PLXNA2: variants seen among roughly 807,000 people sequenced by gnomAD.
The protein encoded by PLXNA2 is plexin-A2.
PLXNA2 carries 91 observed loss-of-function variants against 193.5 expected under a neutral mutation model. The observed-to-expected ratio is 0.47, with a 90% confidence interval of 0.40 to 0.56. The LOEUF (loss-of-function observed/expected upper bound fraction) is 0.56. PLXNA2 is among the 20% of genes least tolerant of loss of function. The pLI, the probability that PLXNA2 is intolerant of heterozygous loss-of-function variation, is 0.00. For synonymous variants in PLXNA2, 997 were observed against 1,027.3 expected (o/e 0.97, Z 0.56); for missense variants, 1,995 against 2,503.2 (o/e 0.80, Z 4.33).
intron 4 of PLXNA2, among the ~76,000 whole-genome samples, chr1:208,104,057 A>T (rs1241798894): frequency 6.6e-6 from 1 of 152,176 alleles, no homozygotes; most frequent in Non-Finnish European, 1.5e-5. Context: ...GAAGTGTTCC[A>T]GTTGATATGT....
chr1:208,133,089 AGGG>A (rs1445955514), intron 4 of PLXNA2, among the ~76,000 whole-genome samples: 2 of 152,200 alleles, frequency 1.3e-5, no homozygotes, highest in Non-Finnish European at 2.9e-5. Flanking sequence ...TGTAAAATAA[AGGG>A]CTGCTCTTCA....
At chr1:208,237,031 GA>G (rs1340412038) in intron 1 of PLXNA2, among the ~76,000 whole-genome samples, 1 of 152,186 alleles carries the variant, frequency 6.6e-6, no homozygotes, top group Non-Finnish European at 1.5e-5. Context: ...CCTTTGAGTT[GA>G]AATCTTCGTC....
intron 29 of PLXNA2, chr1:208,029,305 T>G: frequency 7.8e-7 from 1 of 1,279,154 alleles, no homozygotes; most frequent in Non-Finnish European, 1.0e-6. Flanking sequence ...GTGTGTTCTG[T>G]TCCCTTCTGG....
chr1:208,175,095 C>T (rs1669621009), intron 3 of PLXNA2, among the ~76,000 whole-genome samples: 1 of 152,162 alleles, frequency 6.6e-6, no homozygotes, highest in Non-Finnish European at 1.5e-5. Context: ...CAGAACTCAA[C>T]AGCAGTGAGC....
At chr1:208,101,677 A>G (rs539201428) in intron 5 of PLXNA2, among the ~76,000 whole-genome samples, 19 of 152,304 alleles carry the variant, frequency 1.2e-4, no homozygotes, top group African/African-American at 4.3e-4. Flanking sequence ...CACTTGTTCA[A>G]GATGGGGAAA....
chr1:208,031,011 C>G, intron 29 of PLXNA2: 1 of 987,920 alleles, frequency 1.0e-6, no homozygotes, highest in Non-Finnish European at 1.2e-6. Flanking sequence ...TTCCTGAAAG[C>G]TATGGCGCCA....
chr1:208,024,794 G>A lies in PLXNA2; in HGVS notation c.*2449C>T, dbSNP rs1314826534. On this transcript the variant is annotated 3_prime_UTR_variant, in exon 32 of 32. Transcript: ENST00000367033. ...TAACTTCTTGGTGGAGCAAAGCCTGGATGCCAGTCTGAGCAGCCATGCGGC... is the reference window on the plus strand; with the variant it reads ...TAACTTCTTGGTGGAGCAAAGCCTGAATGCCAGTCTGAGCAGCCATGCGGC... The A allele has an allele frequency of 6.6e-6, 1 of 152,192 alleles. No individual in the cohort carries two copies. Among genetic ancestry groups the A allele is most frequent in the African/African-American group, 2.4e-5 (1 of 41,442 alleles). 9.4% of individuals were successfully genotyped at this position (152,192 alleles called of 1,614,324 possible). A position where few individuals can be genotyped will look rare whatever the true frequency, so the allele number is the denominator to read the frequency against.
chr1:208,227,669 G>T (rs1381875888), intron 1 of PLXNA2, among the ~76,000 whole-genome samples: 2 of 152,188 alleles, frequency 1.3e-5, no homozygotes, highest in Non-Finnish European at 2.9e-5. Context: ...GCACACAGGA[G>T]TCCTGGTTAT....
chr1:208,191,897 A>T (rs971605558), intron 3 of PLXNA2, among the ~76,000 whole-genome samples: 1 of 152,120 alleles, frequency 6.6e-6, no homozygotes, highest in African/African-American at 2.4e-5. Flanking sequence ...AGAACACTGC[A>T]CACAAAGCCC....
intron 4 of PLXNA2, among the ~76,000 whole-genome samples, chr1:208,109,900 C>A (rs1043853314): frequency 3.3e-5 from 5 of 152,216 alleles, no homozygotes; most frequent in Admixed American, 6.5e-5. Context: ...TCCTAGTACC[C>A]AGTAGCTGTT....
chr1:208,091,868 C>A (rs376556130), intron 9 of PLXNA2, among the ~76,000 whole-genome samples: 189 of 130,858 alleles, frequency 1.4e-3, no homozygotes, highest in East Asian at 1.5e-3. Flanking sequence ...GACTTCATAT[C>A]AAAAAAAAAA....
chr1:208,030,026 C>G (rs530066431), intron 29 of PLXNA2: 67 of 985,322 alleles, frequency 6.8e-5, no homozygotes, highest in Non-Finnish European at 7.8e-5. Context: ...TCTCATGGGC[C>G]CCAAACTTTC....
intron 31 of PLXNA2, 21 bp from the exon 32 acceptor site, chr1:208,027,359 C>G: frequency 6.2e-7 from 1 of 1,603,988 alleles, no homozygotes; most frequent in Non-Finnish European, 8.5e-7. Context: ...AAAACAAAGG[C>G]AGGAAGACTT....
At chr1:208,149,065 AAG>A (rs1668678654) in intron 3 of PLXNA2, among the ~76,000 whole-genome samples, 1 of 152,202 alleles carries the variant, frequency 6.6e-6, no homozygotes, top group African/African-American at 2.4e-5. Context: ...TTCACTTCAG[AAG>A]AGGCCTTTAT....
chr1:208,086,300 G>A (rs1473378006), intron 9 of PLXNA2, among the ~76,000 whole-genome samples: 1 of 151,784 alleles, frequency 6.6e-6, no homozygotes, highest in African/African-American at 2.4e-5. Context: ...AAAGCAACCT[G>A]TGAAAAAATC....
chr1:208,034,400 G>A (rs1248142322), intron 27 of PLXNA2, 93 bp downstream of exon 27: 14 of 796,386 alleles, frequency 1.8e-5, no homozygotes, highest in Non-Finnish European at 2.8e-5. Flanking sequence ...CAGCAGCAAG[G>A]GCTGCCTGCT....
intron 12 of PLXNA2, among the ~76,000 whole-genome samples, chr1:208,062,657 T>C (rs1200326385): frequency 6.6e-6 from 1 of 152,140 alleles, no homozygotes; most frequent in Non-Finnish European, 1.5e-5. Context: ...AATATCCCCC[T>C]TATGAATAAA....
At position 208,054,285 on chromosome 1, in the gene PLXNA2, T is replaced by C. The variant is rs536501083; in HGVS notation, c.2856+136A>G. On this transcript the variant is annotated intron_variant, in intron 14 of 31. Transcript: ENST00000367033. The stretch of plus-strand genomic sequence containing the variant: ...AACAGCAAGACCAGAAGTTGCCTTA[T>C]CTGGAGGGTCCTTTTCTCCTCCTTG... 5.0e-6 allele frequency: 3 copies of C among 602,614 alleles called. No homozygotes were observed. In the African/African-American group the frequency reaches 5.5e-5, roughly 11 times the overall value. 37.3% of individuals were successfully genotyped at this position (602,614 alleles called of 1,614,324 possible).
At chr1:208,166,555 AC>A (rs1401346672) in intron 3 of PLXNA2, among the ~76,000 whole-genome samples, 2 of 152,234 alleles carry the variant, frequency 1.3e-5, no homozygotes, top group Non-Finnish European at 2.9e-5. Flanking sequence ...AGGGAGCAAT[AC>A]AGGTAACTAA....
Sources: gnomAD v4.1 joint callset for allele counts (sites outside exome capture counted in the v4.1 genomes callset) on GRCh38, gnomAD v4.1.1 for gene constraint, MANE v1.5 for transcripts, NCBI Gene and HGNC (gene_info 2026-07-23, HGNC 2026-07-21) for gene names.